BUB1B: variants seen among roughly 807,000 people sequenced by gnomAD.
BUB1B encodes the protein BUB1 mitotic checkpoint serine/threonine kinase B.
A neutral mutation model predicts 137.7 loss-of-function variants in BUB1B; 86 were observed. The ratio of observed to expected loss-of-function variants is 0.62; its 90% CI spans 0.52 to 0.75. The LOEUF is 0.75. Among genes scored for constraint, BUB1B ranks in the 30% least tolerant of loss-of-function variants. The probability of loss-of-function intolerance (pLI) is 0.00; values close to 1 mark genes in which losing one functional copy is unlikely to be tolerated. For synonymous variants in BUB1B, 420 were observed against 417.9 expected (o/e 1.00, Z -0.06); for missense variants, 1,130 against 1,236.9 (o/e 0.91, Z 1.30).
intron 8 of BUB1B, among the ~76,000 whole-genome samples, chr15:40,190,817 A>G (rs1470047685): frequency 6.6e-6 from 1 of 152,106 alleles, no homozygotes; most frequent in Non-Finnish European, 1.5e-5. Flanking sequence ...GAACAAAAGG[A>G]TGATTCACAT....
At chr15:40,194,465 G>A (rs7165187) in intron 8 of BUB1B, among the ~76,000 whole-genome samples, 22,381 of 152,124 alleles carry the variant, frequency 0.15, 1,812 homozygotes, top group African/African-American at 0.18. Flanking sequence ...ATGTTAGTGT[G>A]GGTTTTTCAT....
Position 40,212,617 on chromosome 15 carries a change from G to A in BUB1B, c.2504G>A (p.Trp835Ter). The A allele has an allele frequency of 6.2e-7, 1 of 1,613,458 alleles. No homozygotes were observed. Among genetic ancestry groups the A allele is most frequent in the Non-Finnish European group, 8.5e-7 (1 of 1,179,774 alleles). Residue 835 changes from tryptophan (W) to a stop codon, truncating the protein, a stop_gained, in exon 19 of 23, where the codon TGG (tryptophan) becomes TAG (stop). Transcript: ENST00000287598. LOFTEE classifies it high-confidence loss of function. ...CYQYQDGCIV[W>*]HQYINCFTLQ... ...CAATATCAAGATGGCTGTATTGTTT[G>A]GCACCAATATATAAACTGCTTCACC...
Position 40,170,543 on chromosome 15 carries a change from C to A in BUB1B, c.246C>A (p.Ile82=), listed in dbSNP as rs1312213226. The change falls in exon 4 of 23, where the codon ATC becomes ATA. Residue 82 remains isoleucine (I), a synonymous_variant. Coordinates refer to ENST00000287598, the MANE Select transcript of BUB1B (RefSeq NM_001211.6). ...TCTTTTTCCTCCCATTTAGGTATAT[C>A]AGCTGGACAGAGCAGAACTATCCTC... ...NDPLDVWDRY[I]SWTEQNYPQG... 3 of 1,613,600 alleles carry A rather than the reference C, an allele frequency of 1.9e-6. No individual in the cohort carries two copies. In the Admixed American group the frequency reaches 5.0e-5, roughly 27 times the overall value.
chr15:40,174,557 A>G (rs183590197), intron 4 of BUB1B, among the ~76,000 whole-genome samples: 113 of 152,370 alleles, frequency 7.4e-4, no homozygotes, highest in African/African-American at 2.5e-3. Context: ...AGGAACAAAT[A>G]CAAGACGGAC....
At chr15:40,170,397 G>A (rs2037148270) in intron 3 of BUB1B, 140 bp from the exon 4 acceptor site, 1 of 1,031,770 alleles carries the variant, frequency 9.7e-7, no homozygotes, top group Admixed American at 2.0e-5. Flanking sequence ...AAGTTTGAGG[G>A]ATACAGGCTT....
At chr15:40,167,180 T>G (rs2037109574) in intron 2 of BUB1B, among the ~76,000 whole-genome samples, 1 of 150,720 alleles carries the variant, frequency 6.6e-6, no homozygotes, top group African/African-American at 2.4e-5. Context: ...TCTGGGTGTT[T>G]TTTTTTTTTT....
chr15:40,214,828 C>A (rs2037754874), intron 20 of BUB1B, among the ~76,000 whole-genome samples: 1 of 151,126 alleles, frequency 6.6e-6, no homozygotes, highest in Non-Finnish European at 1.5e-5. Flanking sequence ...GTTTTATATT[C>A]CTATTCCCCC....
intron 1 of BUB1B, among the ~76,000 whole-genome samples, chr15:40,163,872 C>G (rs1465932723): frequency 1.3e-5 from 2 of 152,180 alleles, no homozygotes; most frequent in Non-Finnish European, 2.9e-5. Flanking sequence ...GAAGCTGTCT[C>G]CAACGAGTTT....
At chr15:40,205,697 A>G (rs2037628688) in intron 14 of BUB1B, among the ~76,000 whole-genome samples, 1 of 152,218 alleles carries the variant, frequency 6.6e-6, no homozygotes. Context: ...AGTATGAGAA[A>G]GAGCAATACA....
In BUB1B at chr15:40,210,153, A is replaced by C. The variant is rs2140906494; in HGVS notation, c.2328A>C (p.Glu776Asp). The C allele has an allele frequency of 6.2e-7, 1 of 1,612,928 alleles. No individual in the cohort carries two copies. The highest frequency in any genetic ancestry group is 8.5e-7 in the Non-Finnish European group (1 of 1,179,016). The change falls in exon 18 of 23, where the codon GAA (glutamate) becomes GAC (aspartate). Residue 776 changes from glutamate (E) to aspartate (D), a missense_variant. Coordinates refer to ENST00000287598, the MANE Select transcript of BUB1B (RefSeq NM_001211.6). Reference sequence around the variant, plus strand: ...TTAAACGAGAATACCTAATATGTGAAGATTACAAGTTATTCTGGGTGGCGC... The same window carrying C: ...TTAAACGAGAATACCTAATATGTGACGATTACAAGTTATTCTGGGTGGCGC... Reference protein sequence around the residue: ...YCIKREYLICEDYKLFWVAPR... With the variant: ...YCIKREYLICDDYKLFWVAPR...
intron 22 of BUB1B, among the ~76,000 whole-genome samples, chr15:40,218,820 G>C (rs780255525): frequency 2.0e-5 from 3 of 152,234 alleles, no homozygotes; most frequent in Non-Finnish European, 2.9e-5. Context: ...TACAGCTATA[G>C]TATGGAAGCT....
At chr15:40,207,378 C>G (rs975989803) in intron 15 of BUB1B, among the ~76,000 whole-genome samples, 1 of 151,658 alleles carries the variant, frequency 6.6e-6, no homozygotes, top group African/African-American at 2.4e-5. Flanking sequence ...CTGAGGGAGG[C>G]GGATCATTTC....
At chr15:40,189,164 T>G (rs2037406849) in intron 8 of BUB1B, among the ~76,000 whole-genome samples, 1 of 152,106 alleles carries the variant, frequency 6.6e-6, no homozygotes, top group Non-Finnish European at 1.5e-5. Context: ...TTTGTTTGTT[T>G]GTTTTTTGTG....
chr15:40,215,746 G>C lies in BUB1B; in HGVS notation c.2679-1750G>C, dbSNP rs188302311. Among the ~76,000 whole-genome samples the C allele has an allele frequency of 9.2e-4, 140 of 152,152 alleles. 1 individual carries two copies. Among genetic ancestry groups the C allele is most frequent in the African/African-American group, 3.3e-3 (136 of 41,494 alleles). ...ATCATGCCACTGCACTCCAGCCTGG[G>C]TGACAGAGCGAGACTCCATCTCAAA... On this transcript the variant is annotated intron_variant, in intron 20 of 22. Transcript: ENST00000287598.
rs114934115 is a variant in BUB1B at position 40,192,515 on chromosome 15, A to G, written c.1059-4030A>G. On this transcript the variant is annotated intron_variant, in intron 8 of 22. Coordinates refer to ENST00000287598, the MANE Select transcript of BUB1B (RefSeq NM_001211.6). ...TTACGGTGTCATTCAGAATTGTTTCATTGTCCCAGAAATCCCCTTTGCTCC... is the reference window on the plus strand; with the variant it reads ...TTACGGTGTCATTCAGAATTGTTTCGTTGTCCCAGAAATCCCCTTTGCTCC... Among the ~76,000 whole-genome samples the G allele has an allele frequency of 2.6e-3, 392 of 152,252 alleles. 2 individuals carry two copies. Among genetic ancestry groups the G allele is most frequent in the African/African-American group, 9.1e-3 (380 of 41,546 alleles).
chr15:40,189,310 C>T (rs1336145537), intron 8 of BUB1B, among the ~76,000 whole-genome samples: 1 of 152,188 alleles, frequency 6.6e-6, no homozygotes, highest in Non-Finnish European at 1.5e-5. Context: ...CAGGCATGTG[C>T]CACCACTCCT....
intron 3 of BUB1B, 100 bp downstream of exon 3, chr15:40,170,221 G>C (rs1459218904): frequency 4.4e-6 from 5 of 1,126,522 alleles, no homozygotes; most frequent in Non-Finnish European, 6.8e-6. Context: ...TGTCAGAGTA[G>C]ACAGTGGTGT....
chr15:40,194,595 CAAAGGTATATAAGAAAATA>C (rs1264701045), intron 8 of BUB1B, among the ~76,000 whole-genome samples: 1 of 152,130 alleles, frequency 6.6e-6, no homozygotes, highest in Non-Finnish European at 1.5e-5. Flanking sequence ...TTTAGTTGTA[CAAAGGTATATAAGAAAATA>C]AAAGGTATAT....
At chr15:40,198,380 A>G (rs1394951032) in intron 9 of BUB1B, among the ~76,000 whole-genome samples, 1 of 152,120 alleles carries the variant, frequency 6.6e-6, no homozygotes, top group African/African-American at 2.4e-5. Flanking sequence ...GCAGACCTTA[A>G]TGCTTATTTC....
Sources: gnomAD v4.1 joint callset for allele counts (sites outside exome capture counted in the v4.1 genomes callset) on GRCh38, gnomAD v4.1.1 for gene constraint, MANE v1.5 for transcripts, NCBI Gene and HGNC (gene_info 2026-07-23, HGNC 2026-07-21) for gene names.